Variants in PCDH17 observed in about 807,000 individuals in gnomAD.
PCDH17 encodes protocadherin-17.
Under a neutral mutation model 67.7 loss-of-function variants are expected in PCDH17, and 21 were observed. The ratio of observed to expected loss-of-function variants is 0.31; its 90% CI spans 0.22 to 0.45. The LOEUF (loss-of-function observed/expected upper bound fraction) is 0.45. Among genes scored for constraint, PCDH17 ranks in the 20% least tolerant of loss-of-function variants. PCDH17 has a pLI of 1.00. For missense variants in PCDH17, 1,471 were observed against 1,564.8 expected (o/e 0.94, Z 1.01); for synonymous variants, 701 against 656.7 (o/e 1.07, Z -1.03).
intron 3 of PCDH17, among the ~76,000 whole-genome samples, chr13:57,716,367 G>T (rs1354590646): frequency 1.3e-5 from 2 of 151,864 alleles, no homozygotes; most frequent in Admixed American, 6.6e-5. Context: ...TCTCTACATT[G>T]TTATGTCAAG....
At chr13:57,678,018 T>C (rs1056188384) in intron 3 of PCDH17, among the ~76,000 whole-genome samples, 1 of 151,720 alleles carries the variant, frequency 6.6e-6, no homozygotes, top group Admixed American at 6.6e-5. Context: ...AAAGATGATA[T>C]GTTGTTTTCT....
intron 3 of PCDH17, among the ~76,000 whole-genome samples, chr13:57,678,770 G>A (rs1955419645): frequency 6.6e-6 from 1 of 151,422 alleles, no homozygotes; most frequent in African/African-American, 2.4e-5. Flanking sequence ...CAAGAAATAG[G>A]GGCATGGAAT....
At chr13:57,674,897 T>A (rs936597072) in intron 3 of PCDH17, among the ~76,000 whole-genome samples, 1 of 151,930 alleles carries the variant, frequency 6.6e-6, no homozygotes, top group African/African-American at 2.4e-5. Flanking sequence ...AACCTTGAAA[T>A]ATAACGCCTC....
chr13:57,633,225 G>A lies in PCDH17; in HGVS notation c.679G>A (p.Val227Ile), dbSNP rs756336655. ...DGGEPPRSAT[V>I]QINVKVIDSN... ...TGGCGAGCCTCCACGTTCCGCCACC[G>A]TACAGATCAACGTGAAGGTGATTGA... The change falls in exon 1 of 4, where the codon GTA becomes ATA. Residue 227 changes from valine to isoleucine, a missense_variant. By Grantham distance (29) the Val-to-Ile change is conservative. This residue lies in a region of PCDH17 where 1,163 missense variants were observed against 1,230.0 expected (regional missense o/e 0.95). Transcript: ENST00000377918. This position sits in a 1 kb window ranked among gnomAD's most constrained non-coding sequence, Gnocchi z 6.2. 1 of 1,613,228 alleles carries A rather than the reference G, an allele frequency of 6.2e-7. No individual in the cohort carries two copies.
intron 1 of PCDH17, among the ~76,000 whole-genome samples, chr13:57,637,529 A>T (rs1004897952): frequency 6.6e-6 from 1 of 151,878 alleles, no homozygotes; most frequent in Non-Finnish European, 1.5e-5. Context: ...ATCTTGTTTC[A>T]GGTGCTTTTA....
rs908065079 is a variant in PCDH17 at position 57,651,919 on chromosome 13, CT to C, written c.2566-14548del. On this transcript the variant is annotated intron_variant, in intron 1 of 3. Transcript: ENST00000377918. ...TAGGGTACTGATTTGCAAACATATT[CT>C]CTATAAAAACAATATTTCACTTGGC... Among the ~76,000 whole-genome samples the C allele has an allele frequency of 1.1e-4, 17 of 152,220 alleles. 1 individual carries two copies. The highest frequency in any genetic ancestry group is 4.1e-4 in the African/African-American group (17 of 41,548).
intron 1 of PCDH17, among the ~76,000 whole-genome samples, chr13:57,664,651 C>T (rs1274420891): frequency 6.6e-6 from 1 of 152,100 alleles, no homozygotes; most frequent in Admixed American, 6.5e-5. Context: ...ATTTTATTGT[C>T]TCTTTAATAA....
chr13:57,682,180 T>A (rs1307818811), intron 3 of PCDH17, among the ~76,000 whole-genome samples: 2 of 151,780 alleles, frequency 1.3e-5, no homozygotes, highest in Admixed American at 1.3e-4. Context: ...TCCTACAATT[T>A]ACCTAGTCAC....
chr13:57,633,516 C>A lies in PCDH17; in HGVS notation c.970C>A (p.Arg324=). The change falls in exon 1 of 4, where the codon CGA becomes AGA. Residue 324 remains arginine, a synonymous_variant. Coordinates refer to ENST00000377918, the MANE Select transcript of PCDH17 (RefSeq NM_001040429.3). This position sits in a 1 kb window ranked among gnomAD's most constrained non-coding sequence, Gnocchi z 6.2. ...NGMLEIDVQA[R]DLGPNPIPAH... is the part of the protein sequence containing the mutation. Reference sequence around the variant, plus strand: ...GATGCTGGAGATTGACGTGCAGGCCCGAGACCTGGGGCCTAACCCTATCCC... The same window carrying A: ...GATGCTGGAGATTGACGTGCAGGCCAGAGACCTGGGGCCTAACCCTATCCC... 1 of 1,613,902 alleles carries A rather than the reference C, an allele frequency of 6.2e-7. No homozygotes were observed. Among genetic ancestry groups the A allele is most frequent in the Non-Finnish European group, 8.5e-7 (1 of 1,180,026 alleles).
Position 57,632,762 on chromosome 13 carries a change from G to T in PCDH17, c.216G>T (p.Pro72=), listed in dbSNP as rs895413804. 1.2e-6 allele frequency: 2 copies of T among 1,612,392 alleles called. No homozygotes were observed. The highest frequency in any genetic ancestry group is 1.7e-6 in the Non-Finnish European group (2 of 1,179,906). ...ACCGGGTGCTGGAGAACTCCGCACC[G>T]CACCTGCTGGACGTGGACGCAGACA... The part of the protein sequence containing the change: ...GSYRVLENSA[P]HLLDVDADSG... The change falls in exon 1 of 4, where the codon CCG becomes CCT. Residue 72 remains proline, a synonymous_variant. Transcript: ENST00000377918.
At chr13:57,678,272 G>A (rs1385748691) in intron 3 of PCDH17, among the ~76,000 whole-genome samples, 3 of 151,404 alleles carry the variant, frequency 2.0e-5, no homozygotes, top group African/African-American at 7.3e-5. Flanking sequence ...TCAAGAAAAC[G>A]TAGCAAGTAA....
At chr13:57,702,359 C>T (rs1046488942) in intron 3 of PCDH17, among the ~76,000 whole-genome samples, 1 of 151,938 alleles carries the variant, frequency 6.6e-6, no homozygotes, top group Non-Finnish European at 1.5e-5. Context: ...GCATCATAAC[C>T]TAATAGTAGC....
In PCDH17 at chr13:57,632,135, GAGGAAA is replaced by G. The variant is rs1954732653; in HGVS notation, c.-410_-405del. 1 of 238,454 alleles carries G rather than the reference GAGGAAA, an allele frequency of 4.2e-6. No homozygotes were observed. The highest frequency in any genetic ancestry group is 8.2e-6 in the Non-Finnish European group (1 of 121,244). The allele number at this position is 238,454 out of a possible 1,614,324, so 14.8% of individuals were successfully genotyped here. ...AGATTTGCAGCACCCTAGCGGGAGC[GAGGAAA>G]ACCTACTGATTCTTTAGCTCATTAT... On this transcript the variant is annotated 5_prime_UTR_variant, in exon 1 of 4. Coordinates refer to ENST00000377918, the MANE Select transcript of PCDH17 (RefSeq NM_001040429.3).
chr13:57,700,538 C>A (rs189420274), intron 3 of PCDH17, among the ~76,000 whole-genome samples: 2 of 152,006 alleles, frequency 1.3e-5, no homozygotes, highest in East Asian at 3.9e-4. Context: ...AGGATGGTCT[C>A]GATCTCTTGA....
intron 3 of PCDH17, among the ~76,000 whole-genome samples, chr13:57,681,117 A>G (rs1335233991): frequency 6.6e-6 from 1 of 151,754 alleles, no homozygotes; most frequent in Non-Finnish European, 1.5e-5. Context: ...AAACCTGAGC[A>G]TCAGAGAACT....
intron 1 of PCDH17, among the ~76,000 whole-genome samples, chr13:57,661,998 T>A (rs1281839565): frequency 6.6e-6 from 1 of 152,114 alleles, no homozygotes; most frequent in Non-Finnish European, 1.5e-5. Flanking sequence ...TAGCTGGGAT[T>A]ACAGGCATGT....
In PCDH17 at chr13:57,632,257, T is replaced by C. The variant is rs1405601947; in HGVS notation, c.-290T>C. The stretch of plus-strand genomic sequence containing the variant: ...GTCCGGGCGGGAGAGACGAAACCCC[T>C]GGCTCACCCCCAGCCGCAGGAAGCC... On this transcript the variant is annotated 5_prime_UTR_variant, in exon 1 of 4. Transcript: ENST00000377918. 6.3e-6 allele frequency: 3 copies of C among 478,606 alleles called. No individual in the cohort carries two copies. In the Admixed American group the frequency reaches 1.2e-4, roughly 19 times the overall value. 29.6% of individuals were successfully genotyped at this position (478,606 alleles called of 1,614,324 possible). A position where few individuals can be genotyped will look rare whatever the true frequency, so the allele number is the denominator to read the frequency against.
chr13:57,681,306 T>C (rs1448512326), intron 3 of PCDH17, among the ~76,000 whole-genome samples: 2 of 151,960 alleles, frequency 1.3e-5, no homozygotes, highest in East Asian at 3.9e-4. Flanking sequence ...ATAAGATATG[T>C]TACTTTTAAA....
chr13:57,636,325 A>T (rs533603657), intron 1 of PCDH17, among the ~76,000 whole-genome samples: 2 of 152,326 alleles, frequency 1.3e-5, no homozygotes, highest in East Asian at 3.9e-4. Context: ...AAGTGGAAAT[A>T]ATTTGTTCAT....
Sources: allele counts gnomAD v4.1 joint callset (sites outside exome capture counted in the v4.1 genomes callset), GRCh38; gene constraint gnomAD v4.1.1; regional missense constraint gnomAD v4.1.1; non-coding constraint Gnocchi (gnomAD v3.1); transcripts MANE v1.5; gene names NCBI Gene and HGNC (gene_info 2026-07-23, HGNC 2026-07-21).